Variants in DACH1 observed in about 807,000 individuals in gnomAD.
The protein encoded by DACH1 is dachshund family transcription factor 1.
A neutral mutation model predicts 54.2 loss-of-function variants in DACH1; 12 were observed. The observed-to-expected ratio is 0.22, with a 90% confidence interval of 0.14 to 0.36. DACH1 has a LOEUF of 0.36. Among genes scored for constraint, DACH1 ranks in the 10% least tolerant of loss-of-function variants. The pLI is 1.00. For synonymous variants in DACH1, 386 were observed against 366.2 expected (o/e 1.05, Z -0.62); for missense variants, 805 against 929.8 (o/e 0.87, Z 1.75).
intron 6 of DACH1, among the ~76,000 whole-genome samples, chr13:71,552,792 AATATATATATATATATATATAT>A (rs1160125775): frequency 0.016 from 279 of 17,638 alleles, 4 homozygotes; most frequent in African/African-American, 0.022. Flanking sequence ...TATGGATGTG[AATATATATATATATATATATAT>A]ATATATATAT....
At chr13:71,829,117 T>A (rs954075727) in intron 1 of DACH1, among the ~76,000 whole-genome samples, 24 of 151,994 alleles carry the variant, frequency 1.6e-4, no homozygotes, top group Admixed American at 1.4e-3. Flanking sequence ...ACCTTTTAAA[T>A]AAAATTTCTT....
intron 1 of DACH1, among the ~76,000 whole-genome samples, chr13:71,685,402 A>G (rs746115401): frequency 9.2e-5 from 14 of 152,350 alleles, no homozygotes; most frequent in Admixed American, 2.0e-4. Context: ...ATTAGGTGAG[A>G]TGCCTTTGCG....
chr13:71,686,495 C>T (rs1181000337), intron 1 of DACH1, among the ~76,000 whole-genome samples: 2 of 152,092 alleles, frequency 1.3e-5, no homozygotes, highest in African/African-American at 4.8e-5. Flanking sequence ...ACTAACTTTT[C>T]CAGGTCCATT....
chr13:71,448,531 A>C (rs1874677872), intron 10 of DACH1, among the ~76,000 whole-genome samples: 1 of 152,202 alleles, frequency 6.6e-6, no homozygotes, highest in African/African-American at 2.4e-5. Context: ...TAAAGAAAAT[A>C]TTGTTTCTTG....
intron 2 of DACH1, among the ~76,000 whole-genome samples, chr13:71,644,646 C>A (rs1878145134): frequency 1.3e-5 from 2 of 152,198 alleles, no homozygotes; most frequent in Admixed American, 6.5e-5. Context: ...ATCCACAAAT[C>A]ACAATGCTCT....
chr13:71,630,433 G>C, intron 3 of DACH1, 123 bp downstream of exon 3: 2 of 1,412,630 alleles, frequency 1.4e-6, no homozygotes, highest in Non-Finnish European at 1.8e-6. Context: ...CAAACATACA[G>C]TGTTTTCAAG....
chr13:71,687,119 C>T (rs1239543550), intron 1 of DACH1, among the ~76,000 whole-genome samples: 2 of 152,292 alleles, frequency 1.3e-5, no homozygotes, highest in South Asian at 4.1e-4. Flanking sequence ...GATCTATTTA[C>T]GCAAGGAAAG....
At chr13:71,714,646 A>G (rs879381986) in intron 1 of DACH1, among the ~76,000 whole-genome samples, 6 of 152,080 alleles carry the variant, frequency 3.9e-5, no homozygotes, top group Non-Finnish European at 8.8e-5. Flanking sequence ...TTATGAAAAT[A>G]TAGGATTAAT....
intron 1 of DACH1, among the ~76,000 whole-genome samples, chr13:71,804,710 G>A (rs942089100): frequency 6.6e-6 from 1 of 152,116 alleles, no homozygotes; most frequent in Non-Finnish European, 1.5e-5. Flanking sequence ...ACTAGTCAAA[G>A]TTTGTCTACA....
intron 1 of DACH1, among the ~76,000 whole-genome samples, chr13:71,803,058 G>A (rs1373312765): frequency 6.6e-6 from 1 of 152,080 alleles, no homozygotes; most frequent in Non-Finnish European, 1.5e-5. Context: ...ATTTCAAAGT[G>A]TATGAACATA....
intron 4 of DACH1, among the ~76,000 whole-genome samples, chr13:71,566,367 T>C (rs1470674651): frequency 2.6e-5 from 4 of 152,154 alleles, no homozygotes; most frequent in Admixed American, 2.0e-4. Context: ...CCTTTTATGA[T>C]GCCAGCCACC....
chr13:71,833,432 A>G (rs755620975), intron 1 of DACH1, among the ~76,000 whole-genome samples: 16 of 152,194 alleles, frequency 1.1e-4, no homozygotes, highest in Admixed American at 6.6e-4. Flanking sequence ...TACTTGAAGT[A>G]TAAGTGGAGA....
intron 7 of DACH1, among the ~76,000 whole-genome samples, chr13:71,485,569 T>C (rs1878423477): frequency 7.1e-6 from 1 of 141,394 alleles, no homozygotes; most frequent in African/African-American, 2.5e-5. Flanking sequence ...TAACTTTTCT[T>C]TTCTTCTTTT....
chr13:71,748,866 CTTTCTTTCTTTCTTTCTTTCT>C (rs1371045577), intron 1 of DACH1, among the ~76,000 whole-genome samples: 2,292 of 30,480 alleles, frequency 0.075, 81 homozygotes, highest in African/African-American at 0.12. Context: ...TTCTTTCTTT[CTTTCTTTCTTTCTTTCTTTCT>C]TTCTTTCTTT....
chr13:71,828,213 T>C (rs1357631520), intron 1 of DACH1, among the ~76,000 whole-genome samples: 1 of 151,978 alleles, frequency 6.6e-6, no homozygotes, highest in Non-Finnish European at 1.5e-5. Context: ...TTTTGCACTG[T>C]TTTCTGTGCT....
At chr13:71,776,270 T>C (rs1312678633) in intron 1 of DACH1, among the ~76,000 whole-genome samples, 1 of 152,168 alleles carries the variant, frequency 6.6e-6, no homozygotes, top group Non-Finnish European at 1.5e-5. Context: ...CATTATGAAG[T>C]CACTTTTTAC....
intron 1 of DACH1, among the ~76,000 whole-genome samples, chr13:71,834,580 A>T (rs1888709575): frequency 6.6e-6 from 1 of 152,060 alleles, no homozygotes; most frequent in Non-Finnish European, 1.5e-5. Flanking sequence ...AATTCAGCAT[A>T]GAATTCCACA....
At chr13:71,723,629 C>T (rs1423865236) in intron 1 of DACH1, among the ~76,000 whole-genome samples, 1 of 152,144 alleles carries the variant, frequency 6.6e-6, no homozygotes, top group Non-Finnish European at 1.5e-5. Flanking sequence ...TCTAATCCCA[C>T]ATCAATCCTC....
intron 1 of DACH1, among the ~76,000 whole-genome samples, chr13:71,690,961 T>G (rs1881448347): frequency 6.6e-6 from 1 of 152,204 alleles, no homozygotes; most frequent in Non-Finnish European, 1.5e-5. Context: ...ACACCAACTA[T>G]GAACTCCATA....
Sources: gnomAD v4.1 joint callset for allele counts (sites outside exome capture counted in the v4.1 genomes callset) on GRCh38, gnomAD v4.1.1 for gene constraint, MANE v1.5 for transcripts, NCBI Gene and HGNC (gene_info 2026-07-23, HGNC 2026-07-21) for gene names.